The following CDKL5 variants were observed in gnomAD, a reference collection of about 807,000 sequenced individuals.
The protein encoded by CDKL5 is cyclin dependent kinase like 5.
CDKL5 carries 8 observed loss-of-function variants against 61.7 expected under a neutral mutation model. The ratio of observed to expected loss-of-function variants is 0.13; its 90% confidence interval spans 0.08 to 0.23. The LOEUF (loss-of-function observed/expected upper bound fraction) is 0.23, where lower values mean the gene tolerates loss of function less well. Ranked by LOEUF, CDKL5 falls within the 10% of genes least tolerant of loss-of-function variation. CDKL5 has a pLI of 1.00. For missense variants in CDKL5, 440 were observed against 734.5 expected (o/e 0.60, Z 4.63); for synonymous variants, 275 against 272.3 (o/e 1.01, Z -0.10).
chrX:18,553,060 CA>C (rs1220911755), intron 3 of CDKL5, among the ~76,000 whole-genome samples: 1 of 110,884 alleles, frequency 9.0e-6, no homozygotes, highest in Non-Finnish European at 1.9e-5. Context: ...AAGGCTTGAC[CA>C]GGGGTAGGAG....
At chrX:18,536,685 A>G (rs1047864668) in intron 3 of CDKL5, among the ~76,000 whole-genome samples, 10 of 109,573 alleles carry the variant, frequency 9.1e-5, no homozygotes, top group Middle Eastern at 4.7e-3. Flanking sequence ...ACCTCAGGTG[A>G]TCTGCCTGCC....
chrX:18,631,878 A>G lies in CDKL5; in HGVS notation c.*3121A>G, dbSNP rs1927246751. 1 of 753,337 alleles carries G rather than the reference A, an allele frequency of 1.3e-6. No individual in the cohort carries two copies. Among genetic ancestry groups the G allele is most frequent in the South Asian group, 6.8e-5 (1 of 14,810 alleles). The allele number at this position is 753,337 out of a possible 1,213,427, so 62.1% of individuals were successfully genotyped here. A position where few individuals can be genotyped will look rare whatever the true frequency, so the allele number is the denominator to read the frequency against. ...TGAGGGGCTCAAGTGAGCTGACTCT[A>G]CAACTGTGGTTCTCAACTAGGGGCA... On this transcript the variant is annotated 3_prime_UTR_variant, in exon 18 of 18. Coordinates refer to ENST00000623535, the MANE Select transcript of CDKL5 (RefSeq NM_001323289.2).
chrX:18,646,528 C>A (rs1256832712), intron 20 of CDKL5, among the ~76,000 whole-genome samples: 1 of 112,515 alleles, frequency 8.9e-6, no homozygotes, highest in Non-Finnish European at 1.9e-5. Context: ...CTCTTTGTTA[C>A]AACAGCATGA....
intron 9 of CDKL5, among the ~76,000 whole-genome samples, chrX:18,591,708 A>G (rs1925836138): frequency 9.0e-6 from 1 of 111,318 alleles, no homozygotes; most frequent in African/African-American, 3.3e-5. Context: ...CATTTCCTTG[A>G]CATATTGCTT....
chrX:18,596,690 A>C (rs896347758), intron 10 of CDKL5, among the ~76,000 whole-genome samples: 1 of 112,079 alleles, frequency 8.9e-6, no homozygotes, highest in African/African-American at 3.2e-5. Context: ...GGTAACTTCT[A>C]AAATGTGAAT....
downstream of CDKL5, chrX:18,641,857 TA>T (rs377648180): frequency 0.12 from 42,047 of 358,845 alleles, 342 homozygotes; most frequent in African/African-American, 0.18. Context: ...AGCTATATCT[TA>T]AAAAAAAAAA....
Position 18,628,974 on chromosome X carries a change from G to A in CDKL5, c.*217G>A, listed in dbSNP as rs1404531213. On this transcript the variant is annotated 3_prime_UTR_variant, in exon 18 of 18. Coordinates refer to ENST00000623535, the MANE Select transcript of CDKL5 (RefSeq NM_001323289.2). ...GAGCCACAGGAGTTCCTTAGGGATC[G>A]CCACTCCCCACAGGTCTTGTGTGAG... 5 of 1,020,035 alleles carry A rather than the reference G, an allele frequency of 4.9e-6. No individual in the cohort carries two copies. Among genetic ancestry groups the A allele is most frequent in the East Asian group, 7.5e-5 (2 of 26,649 alleles). The allele number at this position is 1,020,035 out of a possible 1,213,427, so 84.1% of individuals were successfully genotyped here. A position where few individuals can be genotyped will look rare whatever the true frequency, so the allele number is the denominator to read the frequency against.
At chrX:18,429,955 G>A (rs200662736) in intron 1 of CDKL5, among the ~76,000 whole-genome samples, 8 of 112,098 alleles carry the variant, frequency 7.1e-5, no homozygotes, top group African/African-American at 2.3e-4. Flanking sequence ...GGTATTTTGA[G>A]TTCCTACTGT....
rs1237155203 is a variant in CDKL5, at chrX:18,633,493, G to A, written c.*4736G>A. On this transcript the variant is annotated 3_prime_UTR_variant, in exon 18 of 18. Coordinates refer to ENST00000623535, the MANE Select transcript of CDKL5 (RefSeq NM_001323289.2). ...AAATAACCAGAAACCAAACTTGTAA[G>A]CAGTTACAATTTCTTCCTTTTGCTT... 2 of 752,972 alleles carry A rather than the reference G, an allele frequency of 2.7e-6. No individual in the cohort carries two copies. The highest frequency in any genetic ancestry group is 2.3e-5 in the African/African-American group (1 of 43,324). The allele number at this position is 752,972 out of a possible 1,213,427, so 62.1% of individuals were successfully genotyped here. A position where few individuals can be genotyped will look rare whatever the true frequency, so the allele number is the denominator to read the frequency against.
At chrX:18,490,611 T>A (rs1241257504) in intron 1 of CDKL5, among the ~76,000 whole-genome samples, 4 of 111,822 alleles carry the variant, frequency 3.6e-5, no homozygotes, top group African/African-American at 1.3e-4. Context: ...CATATCTTTT[T>A]AAAAAATTGT....
Position 18,628,979 on chromosome X carries a change from T to TC in CDKL5, c.*226dup. The TC allele has an allele frequency of 3.0e-6, 3 of 1,007,272 alleles. No homozygotes were observed. The allele number at this position is 1,007,272 out of a possible 1,213,427, so 83.0% of individuals were successfully genotyped here. On this transcript the variant is annotated 3_prime_UTR_variant, in exon 18 of 18. Transcript: ENST00000623535. ...ACAGGAGTTCCTTAGGGATCGCCAC[T>TC]CCCCACAGGTCTTGTGTGAGAATAG...
At chrX:18,645,139 C>T (rs1927725316), downstream of CDKL5, among the ~76,000 whole-genome samples, 1 of 112,611 alleles carries the variant, frequency 8.9e-6, no homozygotes, top group African/African-American at 3.2e-5. Flanking sequence ...ACCGTTGAAG[C>T]AACTAAGTTG....
chrX:18,495,816 C>T (rs1275150500), intron 1 of CDKL5, among the ~76,000 whole-genome samples: 1 of 111,938 alleles, frequency 8.9e-6, no homozygotes, highest in East Asian at 2.8e-4. Context: ...TTCCCCAGAT[C>T]TCCTACCTAA....
intron 1 of CDKL5, among the ~76,000 whole-genome samples, chrX:18,456,202 G>A (rs1187236921): frequency 1.5e-4 from 17 of 110,217 alleles, no homozygotes; most frequent in Non-Finnish European, 3.2e-4. Flanking sequence ...ACCACGCCCA[G>A]CTAATTTTTG....
rs1283471637 is a variant in CDKL5, at chrX:18,486,953, TA to T, written c.-162-19969del. ...TTAGCTACATCTTTCTCCTCATTCC[TA>T]AAAAAAAAAAAATCTCTAAATATCT... On this transcript the variant is annotated intron_variant, in intron 1 of 17. Coordinates refer to ENST00000623535, the MANE Select transcript of CDKL5 (RefSeq NM_001323289.2). 8.7e-3 allele frequency among the ~76,000 whole-genome samples: 888 copies of T among 102,642 alleles called. 9 individuals carry two copies. The highest frequency in any genetic ancestry group is 0.025 in the African/African-American group (722 of 28,601). 89.1% of individuals were successfully genotyped at this position (102,642 alleles called of 115,157 possible). A position where few individuals can be genotyped will look rare whatever the true frequency, so the allele number is the denominator to read the frequency against.
intron 20 of CDKL5, chrX:18,650,120 C>A: frequency 2.6e-6 from 1 of 378,700 alleles, no homozygotes; most frequent in East Asian, 4.7e-5. Flanking sequence ...ATCTCTTTTG[C>A]CATTTCTTCC....
At chrX:18,645,185 C>T (rs1299022523), downstream of CDKL5, among the ~76,000 whole-genome samples, 2 of 111,893 alleles carry the variant, frequency 1.8e-5, no homozygotes, top group African/African-American at 6.5e-5. Context: ...TCGTGGAAAC[C>T]TATAGTAGTT....
chrX:18,441,840 TC>T lies in CDKL5; in HGVS notation c.-163+16147del, dbSNP rs771286857. On this transcript the variant is annotated intron_variant, in intron 1 of 17. Transcript: ENST00000623535. ...CTCAGTGATATTCTGCTCTTACTGT[TC>T]CTGGAAGTTTGTTTGCTTGGAGGTG... Among the ~76,000 whole-genome samples the T allele has an allele frequency of 8.1e-5, 9 of 111,167 alleles. No homozygotes were observed. The South Asian group carries it at 3.4e-3, about 43-fold the overall frequency.
chrX:18,587,511 A>G (rs1925679130), intron 8 of CDKL5, among the ~76,000 whole-genome samples: 2 of 112,197 alleles, frequency 1.8e-5, no homozygotes, highest in South Asian at 7.4e-4. Flanking sequence ...AAATCAGTAC[A>G]TAGTAAATTT....
Sources: gnomAD v4.1 joint callset for allele counts (sites outside exome capture counted in the v4.1 genomes callset) on GRCh38, gnomAD v4.1.1 for gene constraint, MANE v1.5 for transcripts, NCBI Gene and HGNC (gene_info 2026-07-23, HGNC 2026-07-21) for gene names.